The following GLRA2 variants were observed in gnomAD, a reference collection of about 807,000 sequenced individuals.
The protein encoded by GLRA2 is glycine receptor alpha 2, also known as glycine receptor subunit alpha-2.
A neutral mutation model predicts 31.6 loss-of-function variants in GLRA2; 11 were observed. The observed-to-expected ratio is 0.35, with a 90% confidence interval of 0.22 to 0.58. The LOEUF (loss-of-function observed/expected upper bound fraction) is 0.58. Among genes scored for constraint, GLRA2 ranks in the 20% least tolerant of loss-of-function variants. GLRA2 has a pLI of 0.84. For missense variants in GLRA2, 212 were observed against 351.8 expected, an observed-to-expected ratio of 0.60 and a Z score of 3.18; for synonymous variants, 132 against 134.0, an observed-to-expected ratio of 0.99 and a Z score of 0.10.
chrX:14,632,765 C>G (rs776296008), intron 7 of GLRA2, among the ~76,000 whole-genome samples: 2 of 111,323 alleles, frequency 1.8e-5, no homozygotes, highest in African/African-American at 6.5e-5. Context: ...ATACTTAACG[C>G]CATGGATGCT....
intron 1 of GLRA2, chrX:14,530,971 G>A: frequency 1.2e-6 from 1 of 864,045 alleles, no homozygotes; most frequent in Non-Finnish European, 1.4e-6. Flanking sequence ...TTTTTTCACA[G>A]AACCAAGATA....
intron 4 of GLRA2, among the ~76,000 whole-genome samples, chrX:14,583,573 C>A (rs2090048336): frequency 9.0e-6 from 1 of 111,314 alleles, no homozygotes; most frequent in Non-Finnish European, 1.9e-5. Flanking sequence ...CCCGTCTCTA[C>A]TAAAAAATAT....
intron 7 of GLRA2, among the ~76,000 whole-genome samples, chrX:14,656,493 T>C (rs1468308850): frequency 8.9e-6 from 1 of 111,775 alleles, no homozygotes; most frequent in Non-Finnish European, 1.9e-5. Flanking sequence ...TCATGGTTGA[T>C]GGGGTACTAA....
At chrX:14,622,885 G>T (rs2090538917) in intron 7 of GLRA2, among the ~76,000 whole-genome samples, 1 of 111,933 alleles carries the variant, frequency 8.9e-6, no homozygotes, top group South Asian at 3.7e-4. Flanking sequence ...ATTCTGTGAA[G>T]AAAGTCATTG....
At chrX:14,557,350 C>T (rs1348189055) in intron 2 of GLRA2, among the ~76,000 whole-genome samples, 9 of 109,977 alleles carry the variant, frequency 8.2e-5, no homozygotes, top group Non-Finnish European at 1.5e-4. Context: ...CTCCTGACCT[C>T]GTGATCCGCC....
At chrX:14,458,225 T>C in the GLRA2 span, among the ~76,000 whole-genome samples, 1 of 111,523 alleles carries the variant, frequency 9.0e-6, no homozygotes, top group Non-Finnish European at 1.9e-5. Flanking sequence ...GGCTGCATAG[T>C]ATTCCATGGT....
chrX:14,522,468 T>A, the GLRA2 span, among the ~76,000 whole-genome samples: 1 of 112,152 alleles, frequency 8.9e-6, no homozygotes, highest in African/African-American at 3.2e-5. Context: ...CATTTTGACA[T>A]CCTCTCATGA....
At chrX:14,535,668 A>G (rs1051892851) in intron 2 of GLRA2, among the ~76,000 whole-genome samples, 3 of 112,330 alleles carry the variant, frequency 2.7e-5, no homozygotes, top group Admixed American at 9.4e-5. Flanking sequence ...TCCATTCACA[A>G]TTACCTGGTT....
rs149028022 is a variant in GLRA2 at position 14,567,813 on chromosome X, T to C, written c.203-6520T>C. Among the ~76,000 whole-genome samples the C allele has an allele frequency of 6.7e-3, 756 of 112,247 alleles. 8 individuals carry two copies. Among genetic ancestry groups the C allele is most frequent in the African/African-American group, 0.023 (717 of 30,894 alleles). On this transcript the variant is annotated intron_variant, in intron 2 of 8. Coordinates refer to ENST00000218075, the MANE Select transcript of GLRA2 (RefSeq NM_002063.4). The stretch of plus-strand genomic sequence containing the variant: ...AAAATGAACACACAAAAATCAGTTG[T>C]TTCTGTACACCTGCAATAAACAATT...
At chrX:14,479,151 C>T in the GLRA2 span, among the ~76,000 whole-genome samples, 2 of 110,326 alleles carry the variant, frequency 1.8e-5, no homozygotes, top group Non-Finnish European at 3.8e-5. Context: ...TAACACTGAA[C>T]TGTGCTTTGA....
chrX:14,484,090 A>G, the GLRA2 span, among the ~76,000 whole-genome samples: 2 of 110,255 alleles, frequency 1.8e-5, no homozygotes, highest in Non-Finnish European at 3.8e-5. Context: ...TACTTAATAA[A>G]CTCGTATATG....
At chrX:14,682,714 C>T (rs1159604224) in intron 7 of GLRA2, among the ~76,000 whole-genome samples, 20 of 90,790 alleles carry the variant, frequency 2.2e-4, no homozygotes, top group Non-Finnish European at 2.8e-4. Flanking sequence ...CCCCACCCCA[C>T]GACAGGCCCC....
chrX:14,721,882 A>C (rs1234335714), intron 8 of GLRA2, among the ~76,000 whole-genome samples: 1 of 111,126 alleles, frequency 9.0e-6, no homozygotes, highest in Non-Finnish European at 1.9e-5. Flanking sequence ...AGGTTTATTA[A>C]GTATATTTTC....
At chrX:14,528,121 G>C (rs2089202481), upstream of GLRA2, among the ~76,000 whole-genome samples, 1 of 112,112 alleles carries the variant, frequency 8.9e-6, no homozygotes, top group African/African-American at 3.2e-5. Flanking sequence ...GCTACTCAAA[G>C]TGTGAACTGT....
chrX:14,506,372 G>A, the GLRA2 span, among the ~76,000 whole-genome samples: 6 of 110,445 alleles, frequency 5.4e-5, no homozygotes, highest in Non-Finnish European at 9.5e-5. Flanking sequence ...TTGCATCCTC[G>A]CTTTCACAGT....
chrX:14,577,959 G>T (rs1051203982), intron 3 of GLRA2, among the ~76,000 whole-genome samples: 5 of 111,972 alleles, frequency 4.5e-5, no homozygotes, highest in Non-Finnish European at 7.5e-5. Flanking sequence ...TTTAGTTGTA[G>T]TCAGAATCCT....
At chrX:14,687,001 G>C (rs910895251) in intron 7 of GLRA2, among the ~76,000 whole-genome samples, 10 of 111,618 alleles carry the variant, frequency 9.0e-5, no homozygotes, top group African/African-American at 3.3e-4. Flanking sequence ...CAGGCCTTGT[G>C]GTGACAAAAT....
At chrX:14,553,160 G>A (rs777477605) in intron 2 of GLRA2, among the ~76,000 whole-genome samples, 5 of 111,769 alleles carry the variant, frequency 4.5e-5, no homozygotes, top group East Asian at 2.8e-4. Flanking sequence ...ATCAAAATCC[G>A]GACATAGAAC....
chrX:14,608,206 C>G lies in GLRA2; in HGVS notation c.716-785C>G, dbSNP rs751664880. ...CTAAGCAAAATTACCTTCTGGAGTT[C>G]TAACTCCAAGTCAATTAAGGAGAAA... On this transcript the variant is annotated intron_variant, in intron 6 of 8. Transcript: ENST00000218075. Among the ~76,000 whole-genome samples, 9 of 111,407 alleles carry G rather than the reference C, an allele frequency of 8.1e-5. No individual in the cohort carries two copies. In the South Asian group the frequency reaches 3.4e-3, roughly 42 times the overall value.
Sources: allele counts gnomAD v4.1 joint callset (sites outside exome capture counted in the v4.1 genomes callset), GRCh38; gene constraint gnomAD v4.1.1; transcripts MANE v1.5; gene names NCBI Gene and HGNC (gene_info 2026-07-23, HGNC 2026-07-21).